LRP5: variants seen among roughly 807,000 people sequenced by gnomAD.
LRP5 encodes low-density lipoprotein receptor-related protein 5.
LRP5 carries 62 observed loss-of-function variants against 154.1 expected under a neutral mutation model. The observed-to-expected ratio is 0.40, with a 90% CI of 0.33 to 0.50. The LOEUF (loss-of-function observed/expected upper bound fraction) is 0.50, where lower values mean the gene tolerates loss of function less well. Among genes scored for constraint, LRP5 ranks in the 20% least tolerant of loss-of-function variants. LRP5 has a pLI of 0.55. For synonymous variants in LRP5, 966 were observed against 1,011.5 expected, an observed-to-expected ratio of 0.96 and a Z score of 0.85; for missense variants, 1,915 against 2,336.7, an observed-to-expected ratio of 0.82 and a Z score of 3.72.
At chr11:68,431,475 G>C (rs1046716031) in intron 17 of LRP5, among the ~76,000 whole-genome samples, 5 of 151,896 alleles carry the variant, frequency 3.3e-5, no homozygotes, top group African/African-American at 1.2e-4. Flanking sequence ...CCTGACCTCA[G>C]GTGATCCGCC....
chr11:68,354,969 T>A (rs971224438), intron 2 of LRP5, among the ~76,000 whole-genome samples: 1 of 152,202 alleles, frequency 6.6e-6, no homozygotes, highest in Non-Finnish European at 1.5e-5. Flanking sequence ...CTGGGCGCAG[T>A]CAGCCTCTGC....
In LRP5 at chr11:68,411,548, A is replaced by T. The variant is rs758364834; in HGVS notation, c.2431A>T (p.Ile811Phe). The change falls in exon 11 of 23, where the codon ATT (isoleucine) becomes TTT (phenylalanine). Residue 811 changes from isoleucine to phenylalanine, a missense_variant. By Grantham distance (21) the Ile-to-Phe change is conservative. Transcript: ENST00000294304. Reference protein sequence around the residue: ...DKVGRANDLTIDYADQRLYWT... With the variant: ...DKVGRANDLTFDYADQRLYWT... Reference sequence around the variant, plus strand: ...GGTGGGCCGGGCCAACGACCTCACCATTGACTACGCTGACCAGCGCCTCTA... The same window carrying T: ...GGTGGGCCGGGCCAACGACCTCACCTTTGACTACGCTGACCAGCGCCTCTA... The T allele has an allele frequency of 1.9e-6, 3 of 1,613,866 alleles. No individual in the cohort carries two copies. Among genetic ancestry groups the T allele is most frequent in the Non-Finnish European group, 2.5e-6 (3 of 1,180,030 alleles).
At chr11:68,355,801 C>T in intron 2 of LRP5, among the ~76,000 whole-genome samples, 1 of 151,968 alleles carries the variant, frequency 6.6e-6, no homozygotes. Context: ...TACCCAGGAA[C>T]AGCTGCAGCT....
intron 22 of LRP5, among the ~76,000 whole-genome samples, chr11:68,448,554 C>T (rs2098682677): frequency 6.6e-6 from 1 of 152,222 alleles, no homozygotes; most frequent in Non-Finnish European, 1.5e-5. Flanking sequence ...TCCTTAGAGG[C>T]AGCCTTGCCA....
rs370086361 is a variant in LRP5, at chr11:68,425,987, G to A, written c.3437G>A (p.Arg1146His). 9.9e-6 allele frequency: 16 copies of A among 1,611,184 alleles called. No homozygotes were observed. Among genetic ancestry groups the A allele is most frequent in the Admixed American group, 3.3e-5 (2 of 60,010 alleles). ...IESCDLSGANRLTLEDANIVQ... is the reference protein window; with the variant it reads ...IESCDLSGANHLTLEDANIVQ... ...CACGGGCTGCTTGCAGGGGCCAACC[G>A]CCTGACCCTGGAGGACGCCAACATC... Residue 1146 changes from arginine (R) to histidine (H), a missense_variant, in exon 16 of 23, where the codon CGC becomes CAC. Arg to His is a conservative substitution (Grantham distance 29, BLOSUM62 0). Transcript: ENST00000294304.
intron 2 of LRP5, among the ~76,000 whole-genome samples, chr11:68,356,188 C>T (rs1417085450): frequency 3.4e-5 from 5 of 148,570 alleles, no homozygotes; most frequent in Non-Finnish European, 1.5e-5. Flanking sequence ...GTCATCCAGG[C>T]TGGAGTGCAG....
chr11:68,358,113 T>C (rs1174805484), intron 3 of LRP5, among the ~76,000 whole-genome samples: 1 of 152,106 alleles, frequency 6.6e-6, no homozygotes, highest in Non-Finnish European at 1.5e-5. Flanking sequence ...ACAGTTTTTT[T>C]TTTTTTAACT....
At chr11:68,349,600 C>G (rs75128878) in intron 2 of LRP5, among the ~76,000 whole-genome samples, 3,683 of 152,266 alleles carry the variant, frequency 0.024, 117 homozygotes, top group African/African-American at 0.075. Flanking sequence ...AGCTCCTAGT[C>G]TGGCTGAGTT....
chr11:68,324,093 C>T (rs1386036301), intron 1 of LRP5, among the ~76,000 whole-genome samples: 2 of 152,186 alleles, frequency 1.3e-5, no homozygotes, highest in Non-Finnish European at 2.9e-5. Flanking sequence ...TGGTGCCGTC[C>T]GCTGCGTCTG....
intron 1 of LRP5, among the ~76,000 whole-genome samples, chr11:68,333,888 C>T (rs7944040): frequency 0.51 from 78,220 of 151,922 alleles, 21,739 homozygotes; most frequent in East Asian, 0.82. Context: ...GCCGGCAGTG[C>T]GCTCTCCTCC....
chr11:68,390,785 C>A (rs1276831961), intron 7 of LRP5, among the ~76,000 whole-genome samples: 3 of 39,202 alleles, frequency 7.7e-5, no homozygotes, highest in Non-Finnish European at 1.4e-4. Flanking sequence ...TGGCCTCGTC[C>A]CGTGGACGCA....
chr11:68,377,902 C>T (rs1249608282), intron 5 of LRP5, among the ~76,000 whole-genome samples: 13 of 151,652 alleles, frequency 8.6e-5, no homozygotes, highest in South Asian at 2.1e-4. Flanking sequence ...TTCTGCTACC[C>T]GTGTGAAAAG....
chr11:68,414,690 C>A (rs542297162), intron 12 of LRP5, among the ~76,000 whole-genome samples: 1 of 152,222 alleles, frequency 6.6e-6, no homozygotes, highest in Admixed American at 6.5e-5. Flanking sequence ...TGATTCCCTA[C>A]GCAGAACTTG....
intron 4 of LRP5, among the ~76,000 whole-genome samples, chr11:68,364,997 T>C (rs1186610528): frequency 6.6e-6 from 1 of 152,184 alleles, no homozygotes; most frequent in Non-Finnish European, 1.5e-5. Context: ...CTGTTGGTCA[T>C]AGAAGGGCTT....
intron 1 of LRP5, among the ~76,000 whole-genome samples, chr11:68,344,849 C>CTCTTTTTTTTTT (rs1296907089): frequency 9.2e-5 from 6 of 65,544 alleles, no homozygotes; most frequent in African/African-American, 3.1e-4. Context: ...GAATCTCTCT[C>CTCTTTTTTTTTT]TTTTTTTTTT....
chr11:68,341,467 C>T (rs1016636342), intron 1 of LRP5, among the ~76,000 whole-genome samples: 1 of 152,110 alleles, frequency 6.6e-6, no homozygotes, highest in African/African-American at 2.4e-5. Context: ...ATTACGCTGC[C>T]CAGAGGTCAG....
intron 8 of LRP5, among the ~76,000 whole-genome samples, chr11:68,405,959 G>A (rs475712): frequency 0.68 from 104,168 of 152,226 alleles, 37,348 homozygotes; most frequent in South Asian, 0.84. Flanking sequence ...GGGCCAGATC[G>A]CAGGCCCGGA....
chr11:68,440,072 C>G, intron 21 of LRP5, 156 bp downstream of exon 21: 1 of 650,812 alleles, frequency 1.5e-6, no homozygotes, highest in South Asian at 2.1e-5. Context: ...CTTCTGCTTC[C>G]TTCTTTAATG....
intron 9 of LRP5, among the ~76,000 whole-genome samples, chr11:68,409,073 A>AAAAAAAATATATATATATATATATAT: frequency 2.3e-5 from 1 of 44,180 alleles, no homozygotes; most frequent in African/African-American, 1.3e-4. Flanking sequence ...AAAAAAAAAA[A>AAAAAAAATATATATATATATATATAT]ATATATATAT....
Sources: gnomAD v4.1 joint callset for allele counts (sites outside exome capture counted in the v4.1 genomes callset) on GRCh38, gnomAD v4.1.1 for gene constraint, MANE v1.5 for transcripts, NCBI Gene and HGNC (gene_info 2026-07-23, HGNC 2026-07-21) for gene names.